Variants in PON3 observed in about 807,000 individuals in gnomAD.
PON3 encodes the protein serum paraoxonase/lactonase 3.
In PON3, 37 loss-of-function variants were observed where a neutral mutation model predicts 36.3. That is an observed-to-expected ratio of 1.02 (90% CI 0.78 to 1.34). PON3 has a LOEUF of 1.34. PON3 is among the 40% of genes most tolerant of loss of function. PON3 has a pLI of 0.00. For synonymous variants in PON3, 155 were observed against 154.8 expected (o/e 1.00, Z -0.01); for missense variants, 415 against 426.5 (o/e 0.97, Z 0.24).
intron 3 of PON3, among the ~76,000 whole-genome samples, chr7:95,385,374 G>GTA (rs1809165144): frequency 6.6e-6 from 1 of 151,680 alleles, no homozygotes; most frequent in South Asian, 2.1e-4. Context: ...ATTTTAAAAA[G>GTA]TATATATACA....
At chr7:95,372,990 A>G (rs1808843065) in intron 3 of PON3, among the ~76,000 whole-genome samples, 2 of 152,296 alleles carry the variant, frequency 1.3e-5, no homozygotes, top group East Asian at 1.9e-4. Context: ...CCTTTCTACT[A>G]TTAGGATCAG....
chr7:95,382,786 T>A (rs1809091731), intron 3 of PON3, among the ~76,000 whole-genome samples: 1 of 152,184 alleles, frequency 6.6e-6, no homozygotes, highest in South Asian at 2.1e-4. Flanking sequence ...AAGGAGGAGC[T>A]GGTACCATTC....
chr7:95,380,150 T>C (rs1175340069), intron 3 of PON3, among the ~76,000 whole-genome samples: 1 of 152,170 alleles, frequency 6.6e-6, no homozygotes, highest in African/African-American at 2.4e-5. Flanking sequence ...TCCTCACTCT[T>C]AGAAGGAAAA....
chr7:95,393,736 G>A (rs188699120), intron 2 of PON3, among the ~76,000 whole-genome samples: 1 of 152,076 alleles, frequency 6.6e-6, no homozygotes, highest in Admixed American at 6.6e-5. Flanking sequence ...GGGAGAAAAC[G>A]ACAGAAATGT....
chr7:95,362,373 G>T lies in PON3; in HGVS notation c.895C>A (p.Pro299Thr), dbSNP rs1377199274. The change falls in exon 8 of 9, where the codon CCA (proline) becomes ACA (threonine). Residue 299 changes from proline (P) to threonine (T), a missense_variant. Coordinates refer to ENST00000265627, the MANE Select transcript of PON3 (RefSeq NM_000940.3). ...KLLNYNPEDP[P>T]GSEVLRIQNV... ...GTATAGGAACTTACTTCTGATCCTG[G>T]AGGGTCCTCAGGGTTATAGTTCAGT... is the stretch of plus-strand genomic sequence containing the variant. 6.2e-7 allele frequency: 1 copy of T among 1,613,742 alleles called. No homozygotes were observed. Among genetic ancestry groups the T allele is most frequent in the Admixed American group, 1.7e-5 (1 of 59,962 alleles).
chr7:95,362,159 C>G (rs997826550), intron 8 of PON3, among the ~76,000 whole-genome samples: 1 of 152,138 alleles, frequency 6.6e-6, no homozygotes. Context: ...TTCCCAACAG[C>G]AAGAGTTATT....
intron 3 of PON3, among the ~76,000 whole-genome samples, chr7:95,381,033 G>A (rs188176296): frequency 6.6e-6 from 1 of 152,196 alleles, no homozygotes; most frequent in Non-Finnish European, 1.5e-5. Context: ...CCAGAAGAGG[G>A]TGGGGGCCAA....
chr7:95,372,684 G>A (rs1808834867), intron 3 of PON3, among the ~76,000 whole-genome samples: 1 of 152,136 alleles, frequency 6.6e-6, no homozygotes, highest in Non-Finnish European at 1.5e-5. Context: ...TCTATAAAAT[G>A]AAGAAGTTCA....
chr7:95,367,406 A>C lies in PON3; in HGVS notation c.450T>G (p.Arg150=), dbSNP rs1389296606. ...TTATAGTTTTCAGGTATACCAGAGA[A>C]CGTTGTTGTTCCTCAAATTTAAATA... is the stretch of plus-strand genomic sequence containing the variant. The part of the protein sequence containing the change: ...VEIFKFEEQQ[R]SLVYLKTIKH... The change falls in exon 5 of 9, where the codon CGT becomes CGG. Residue 150 remains arginine, a synonymous_variant. Transcript: ENST00000265627. The C allele has an allele frequency of 8.1e-6, 13 of 1,613,302 alleles. No individual in the cohort carries two copies. Among genetic ancestry groups the C allele is most frequent in the Non-Finnish European group, 1.1e-5 (13 of 1,179,536 alleles).
chr7:95,363,760 T>C, intron 6 of PON3, 103 bp downstream of exon 6: 4 of 1,118,246 alleles, frequency 3.6e-6, no homozygotes, highest in East Asian at 2.3e-5. Context: ...TCCACACATA[T>C]ATTCACTACG....
Position 95,363,994 on chromosome 7 carries a change from G to A in PON3, c.564C>T (p.Ser188=), listed in dbSNP as rs1448502710. 3.1e-6 allele frequency: 5 copies of A among 1,613,702 alleles called. No individual in the cohort carries two copies. The highest frequency in any genetic ancestry group is 1.7e-5 in the Admixed American group (1 of 59,988). Residue 188 remains serine, a synonymous_variant, in exon 6 of 9, where the codon TCC becomes TCT. Coordinates refer to ENST00000265627, the MANE Select transcript of PON3 (RefSeq NM_000940.3). ...AGATCATCTCAAAAAATGACAGGAG[G>A]GAGTTGGTAAAATAGTGGTCTCTGG... ...YATRDHYFTN[S]LLSFFEMILD... is the part of the protein sequence containing the mutation.
chr7:95,378,295 G>A (rs1054463625), intron 3 of PON3, among the ~76,000 whole-genome samples: 2 of 152,214 alleles, frequency 1.3e-5, no homozygotes, highest in Non-Finnish European at 2.9e-5. Context: ...ACCAGAAAGT[G>A]ACAGGAAGAA....
At chr7:95,362,334 GT>G in intron 8 of PON3, 27 bp downstream of exon 8, 1 of 1,613,076 alleles carries the variant, frequency 6.2e-7, no homozygotes, top group South Asian at 1.1e-5. Flanking sequence ...AGCTTTGCCT[GT>G]GAGCTCAGAG....
At position 95,362,807 on chromosome 7, in the gene PON3, T is replaced by G; in HGVS notation, c.730A>C (p.Ile244Leu). 6.2e-7 allele frequency: 1 copy of G among 1,612,096 alleles called. No individual in the cohort carries two copies. The highest frequency in any genetic ancestry group is 1.1e-5 in the South Asian group (1 of 91,030). Residue 244 changes from isoleucine to leucine, a missense_variant, in exon 7 of 9, where the codon ATT (isoleucine) becomes CTT (leucine). Physicochemically the swap from Ile to Leu is conservative, Grantham distance 5. Coordinates refer to ENST00000265627, the MANE Select transcript of PON3 (RefSeq NM_000940.3). ...VYVADVAAKN[I>L]HIMEKHDNWD... ...TTATCATGTTTTTCCATTATGTGAATGTTCTTAGCTGCTACATCAGCTACA... is the reference window on the plus strand; with the variant it reads ...TTATCATGTTTTTCCATTATGTGAAGGTTCTTAGCTGCTACATCAGCTACA...
intron 4 of PON3, 59 bp downstream of exon 4, chr7:95,372,114 G>T: frequency 6.5e-7 from 1 of 1,532,838 alleles, no homozygotes; most frequent in Non-Finnish European, 9.0e-7. Context: ...TGAGGGGCTG[G>T]AGATAAATGG....
At chr7:95,391,883 T>TA (rs1249757390) in intron 2 of PON3, among the ~76,000 whole-genome samples, 1 of 152,154 alleles carries the variant, frequency 6.6e-6, no homozygotes, top group Non-Finnish European at 1.5e-5. Context: ...GCTTCCAAAA[T>TA]AAAAAATGTG....
intron 5 of PON3, 73 bp downstream of exon 5, chr7:95,367,289 C>A: frequency 6.3e-6 from 10 of 1,575,806 alleles, no homozygotes; most frequent in Non-Finnish European, 8.6e-6. Context: ...AGAAAGCCTG[C>A]TGAACCAAAA....
chr7:95,369,898 T>C lies in PON3; in HGVS notation c.367+2275A>G, dbSNP rs564256225. On this transcript the variant is annotated intron_variant, in intron 4 of 8. Coordinates refer to ENST00000265627, the MANE Select transcript of PON3 (RefSeq NM_000940.3). ...GGCAGGCTTCCCTGAGAAGATGATATTTAAGCTGAGTCTTCAATGATGACA... is the reference window on the plus strand; with the variant it reads ...GGCAGGCTTCCCTGAGAAGATGATACTTAAGCTGAGTCTTCAATGATGACA... 5.9e-5 allele frequency among the ~76,000 whole-genome samples: 9 copies of C among 152,310 alleles called. 1 individual carries two copies. The East Asian group carries it at 1.7e-3, about 29-fold the overall frequency.
At chr7:95,394,182 C>G (rs528987277) in intron 2 of PON3, among the ~76,000 whole-genome samples, 1 of 151,998 alleles carries the variant, frequency 6.6e-6, no homozygotes, top group South Asian at 2.1e-4. Context: ...CAGGTGTGAG[C>G]CACTGCGCCC....
Sources: allele counts gnomAD v4.1 joint callset (sites outside exome capture counted in the v4.1 genomes callset), GRCh38; gene constraint gnomAD v4.1.1; transcripts MANE v1.5; gene names NCBI Gene and HGNC (gene_info 2026-07-23, HGNC 2026-07-21).